Variants in TRPM5 observed in about 807,000 individuals in gnomAD.
TRPM5 encodes MLSN1 and TRP-related.
A neutral mutation model predicts 124.9 loss-of-function variants in TRPM5; 121 were observed. That is an observed-to-expected ratio of 0.97 (90% CI 0.84 to 1.13). TRPM5 has a LOEUF of 1.13. Ranked by LOEUF, TRPM5 falls within the 50% of genes most tolerant of loss-of-function variation. TRPM5 has a pLI of 0.00. For synonymous variants in TRPM5, 781 were observed against 700.5 expected, an observed-to-expected ratio of 1.11 and a Z score of -1.81; for missense variants, 1,643 against 1,589.1, an observed-to-expected ratio of 1.03 and a Z score of -0.58.
At chr11:2,411,298 GC>G (rs2133509621) in intron 18 of TRPM5, 53 bp downstream of exon 23, 2 of 1,485,776 alleles carry the variant, frequency 1.3e-6, no homozygotes, top group East Asian at 4.9e-5. Flanking sequence ...CAGGGCTTGT[GC>G]ACACAGGGCT....
chr11:2,430,988 C>T, the TRPM5 span, among the ~76,000 whole-genome samples: 3 of 151,956 alleles, frequency 2.0e-5, no homozygotes, highest in East Asian at 1.9e-4. Context: ...TGATGCTGGT[C>T]GTGGTAATAG....
chr11:2,432,896 C>A, the TRPM5 span, among the ~76,000 whole-genome samples: 1 of 152,242 alleles, frequency 6.6e-6, no homozygotes, highest in Non-Finnish European at 1.5e-5. Context: ...CGGGGGGCAG[C>A]CCGAAGCCAT....
intron 18 of TRPM5, among the ~76,000 whole-genome samples, chr11:2,408,700 C>T (rs374974321): frequency 6.6e-5 from 10 of 152,208 alleles, no homozygotes; most frequent in Admixed American, 2.0e-4. Context: ...CCCCAGCCTG[C>T]GGGGCAGGAG....
chr11:2,409,555 C>T (rs966098236), intron 18 of TRPM5, among the ~76,000 whole-genome samples: 2 of 152,218 alleles, frequency 1.3e-5, no homozygotes, highest in African/African-American at 2.4e-5. Flanking sequence ...GTTCTGGGCT[C>T]TGAGGAGACC....
chr11:2,407,829 T>C (rs373556761), exon 19 of TRPM5: 14 of 1,613,906 alleles, frequency 8.7e-6, no homozygotes, highest in Non-Finnish European at 1.2e-5. Flanking sequence ...AGCAGGAGGA[T>C]GACCAGCCAG....
At chr11:2,418,123 C>A in intron 6 of TRPM5, 44 bp downstream of exon 11, 1 of 1,486,034 alleles carries the variant, frequency 6.7e-7, no homozygotes, top group Admixed American at 2.1e-5. Context: ...CAGCCCCACC[C>A]CCGGAGGAGG....
upstream of TRPM5, among the ~76,000 whole-genome samples, chr11:2,423,429 TCAG>T (rs1845799485): frequency 6.6e-6 from 1 of 152,120 alleles, no homozygotes; most frequent in African/African-American, 2.4e-5. Context: ...TCCGAAAGAC[TCAG>T]CAGAGGCCTT....
exon 23 of TRPM5, chr11:2,405,567 G>A: frequency 2.6e-6 from 4 of 1,566,154 alleles, no homozygotes; most frequent in South Asian, 2.4e-5. Context: ...CAGCCACGGA[G>A]GACACGAGCA....
chr11:2,412,338 A>AGGATCAGGGTTCAGCGTGCCACGG, intron 15 of TRPM5, 85 bp from the exon 21 acceptor site: 1 of 1,018,566 alleles, frequency 9.8e-7, no homozygotes, highest in Admixed American at 1.8e-5. Context: ...TGGATCTGTA[A>AGGATCAGGGTTCAGCGTGCCACGG]GGATCAGGGT....
the TRPM5 span, among the ~76,000 whole-genome samples, chr11:2,432,181 C>T: frequency 3.3e-5 from 5 of 152,230 alleles, no homozygotes; most frequent in South Asian, 4.1e-4. Flanking sequence ...GGTGCCCAGG[C>T]GCTCACCTGC....
At chr11:2,420,732 C>T (rs1845759863) in intron 3 of TRPM5, among the ~76,000 whole-genome samples, 1 of 152,236 alleles carries the variant, frequency 6.6e-6, no homozygotes, top group African/African-American at 2.4e-5. Flanking sequence ...CCCGGGCCTC[C>T]CTCGGTAGTG....
intron 2 of TRPM5, 21 bp downstream of exon 7, chr11:2,422,120 C>T: frequency 6.4e-7 from 1 of 1,570,278 alleles, no homozygotes; most frequent in South Asian, 1.2e-5. Context: ...GGAGCGCTGC[C>T]TGTGCCGGGT....
At chr11:2,405,419 C>A in intron 23 of TRPM5, 108 bp downstream of exon 28, 1 of 1,214,642 alleles carries the variant, frequency 8.2e-7, no homozygotes, top group Non-Finnish European at 1.2e-6. Context: ...CTGAGACTCC[C>A]GGGCCAGGCA....
chr11:2,418,383 C>T (rs754395921), intron 5 of TRPM5, 25 bp from the exon 11 acceptor site: 9 of 1,537,858 alleles, frequency 5.9e-6, no homozygotes, highest in Non-Finnish European at 7.0e-6. Context: ...GAGGGGAGAG[C>T]GGACCCCAGA....
Position 2,412,196 on chromosome 11 carries a change from C to T in TRPM5, c.2413G>A (p.Asp805Asn), listed in dbSNP as rs775432263. Residue 805 changes from aspartate (D) to asparagine (N), a missense_variant, in exon 16 of 24, where the codon GAC (aspartate) becomes AAC (asparagine). Transcript: ENST00000155858. ...ACCATGTCACACTTGTTCCAGTTGT[C>T]CCCCACATACAGTGTGAACTTCTTC... is the stretch of plus-strand genomic sequence containing the variant. 6 of 1,613,612 alleles carry T rather than the reference C, an allele frequency of 3.7e-6. No homozygotes were observed. The Admixed American group carries it at 6.7e-5, about 18-fold the overall frequency.
intron 2 of TRPM5, among the ~76,000 whole-genome samples, chr11:2,421,711 C>T (rs1238242143): frequency 3.3e-5 from 5 of 152,212 alleles, no homozygotes; most frequent in Admixed American, 2.6e-4. Flanking sequence ...CTGGCCCCTG[C>T]AGCTGGCGGC....
At chr11:2,409,670 G>A (rs1055556310) in intron 18 of TRPM5, among the ~76,000 whole-genome samples, 1 of 152,206 alleles carries the variant, frequency 6.6e-6, no homozygotes, top group Non-Finnish European at 1.5e-5. Context: ...GTCACAGTGA[G>A]TGGCTGGGGT....
chr11:2,443,852 G>A, the TRPM5 span, among the ~76,000 whole-genome samples: 1 of 137,264 alleles, frequency 7.3e-6, no homozygotes. The surrounding 1 kb of genome is among the most constrained non-coding windows in gnomAD (Gnocchi z 5.0). Context: ...GACGTGCTGA[G>A]ACCCAAATGC....
At chr11:2,406,760 A>C in exon 21 of TRPM5, 2 of 1,613,298 alleles carry the variant, frequency 1.2e-6, no homozygotes, top group Non-Finnish European at 1.7e-6. Context: ...CCAGGTGACG[A>C]CCTTCTGGTC....
Sources: gnomAD v4.1 joint callset for allele counts (sites outside exome capture counted in the v4.1 genomes callset) on GRCh38, gnomAD v4.1.1 for gene constraint, Gnocchi (gnomAD v3.1) non-coding constraint, MANE v1.5 for transcripts, NCBI Gene and HGNC (gene_info 2026-07-23, HGNC 2026-07-21) for gene names.